The following DHRS9 variants were observed in gnomAD, a reference collection of about 807,000 sequenced individuals.
DHRS9 encodes dehydrogenase/reductase SDR family member 9.
Under a neutral mutation model 26.6 loss-of-function variants are expected in DHRS9, and 18 were observed. The observed-to-expected ratio is 0.68, with a 90% CI of 0.47 to 1.00. DHRS9 has a LOEUF of 1.00. Among genes scored for constraint, DHRS9 ranks in the 50% least tolerant of loss-of-function variants. DHRS9 has a pLI of 0.00. For missense variants in DHRS9, 425 were observed against 378.7 expected (o/e 1.12, Z -1.01); for synonymous variants, 134 against 141.1 (o/e 0.95, Z 0.36).
At chr2:169,082,968 A>T (rs757053378) in intron 2 of DHRS9, among the ~76,000 whole-genome samples, 1 of 152,174 alleles carries the variant, frequency 6.6e-6, no homozygotes, top group Non-Finnish European at 1.5e-5. Context: ...CCAACATGGC[A>T]CATGTATACA....
chr2:169,075,536 A>C (rs555265805), intron 1 of DHRS9, among the ~76,000 whole-genome samples: 3 of 152,274 alleles, frequency 2.0e-5, no homozygotes, highest in African/African-American at 7.2e-5. Flanking sequence ...ATGCAATACT[A>C]TTTATCAAAT....
chr2:169,081,224 C>A, intron 1 of DHRS9: 1 of 972,192 alleles, frequency 1.0e-6, no homozygotes, highest in Non-Finnish European at 1.3e-6. Flanking sequence ...CATCACTCCA[C>A]ATAGCTCCAG....
chr2:169,067,449 G>A (rs1184041450), upstream of DHRS9, among the ~76,000 whole-genome samples: 1 of 152,116 alleles, frequency 6.6e-6, no homozygotes, highest in East Asian at 1.9e-4. Context: ...TAGAAGTATG[G>A]GAGGCATACA....
chr2:169,069,522 C>A, upstream of DHRS9: 11 of 985,346 alleles, frequency 1.1e-5, no homozygotes, highest in Non-Finnish European at 1.3e-5. Flanking sequence ...GAGTGACTCA[C>A]AGAGCAAGGA....
rs183097711 is a variant in DHRS9 at position 169,085,232 on chromosome 2, C to T, written c.572+1645C>T. ...TACCAGTACCATGCTGTTTTGTTTA[C>T]TATAGCTTTATAGAAAATTTGAAGT... is the stretch of plus-strand genomic sequence containing the variant. On this transcript the variant is annotated intron_variant, in intron 3 of 4. Coordinates refer to ENST00000674881, the MANE Select transcript of DHRS9 (RefSeq NM_001376924.1). Among the ~76,000 whole-genome samples the T allele has an allele frequency of 4.6e-5, 7 of 152,200 alleles. No homozygotes were observed. The East Asian group carries it at 1.3e-3, about 29-fold the overall frequency.
chr2:169,076,269 G>T (rs1211442902), intron 1 of DHRS9, among the ~76,000 whole-genome samples: 1 of 152,074 alleles, frequency 6.6e-6, no homozygotes, highest in Non-Finnish European at 1.5e-5. Flanking sequence ...TTCGCCAGTG[G>T]GAGCCCCTTC....
rs2287609 is a variant in DHRS9, at chr2:169,072,753, A to C, written c.-60+3036A>C. The C allele has an allele frequency of 0.011, 7,666 of 667,630 alleles. 336 individuals are homozygous for C. In the East Asian group the frequency reaches 0.16, roughly 14 times the overall value. 41.4% of individuals were successfully genotyped at this position (667,630 alleles called of 1,614,324 possible). On this transcript the variant is annotated intron_variant, in intron 1 of 4. Coordinates refer to ENST00000674881, the MANE Select transcript of DHRS9 (RefSeq NM_001376924.1). ...TGAATCTTTGTGATATGGTAGAGAA[A>C]GTTTGATAAAGTGTTCTTGTGCCTG...
At chr2:169,091,346 C>T (rs1009398783) in intron 3 of DHRS9, among the ~76,000 whole-genome samples, 4 of 152,174 alleles carry the variant, frequency 2.6e-5, no homozygotes, top group East Asian at 1.9e-4. Context: ...CAGGGATTAT[C>T]GTATTGTGTC....
At chr2:169,087,254 G>GCTACTACCACCTCAGGCCATAT (rs1477312152) in intron 3 of DHRS9, among the ~76,000 whole-genome samples, 3 of 152,028 alleles carry the variant, frequency 2.0e-5, no homozygotes, top group Non-Finnish European at 4.4e-5. Flanking sequence ...TCTCACCATA[G>GCTACTACCACCTCAGGCCATAT]CTACTACCAC....
In DHRS9 at chr2:169,091,836, G is replaced by T. The variant is rs765653306; in HGVS notation, c.619G>T (p.Gly207Ter). ...FGVHVSCIEP[G>*]LFKTNLADPV... ...TGTGCACGTCTCATGCATTGAACCAGGATTGTTCAAAACAAACTTGGCAGA... is the reference window on the plus strand; with the variant it reads ...TGTGCACGTCTCATGCATTGAACCATGATTGTTCAAAACAAACTTGGCAGA... Residue 207 changes from glycine (G) to a stop codon, truncating the protein, a stop_gained, in exon 4 of 5, where the codon GGA (glycine) becomes TGA (stop). Coordinates refer to ENST00000674881, the MANE Select transcript of DHRS9 (RefSeq NM_001376924.1). LOFTEE classifies it high-confidence loss of function. 2 of 1,614,008 alleles carry T rather than the reference G, an allele frequency of 1.2e-6. No individual in the cohort carries two copies. The highest frequency in any genetic ancestry group is 8.5e-7 in the Non-Finnish European group (1 of 1,179,956).
chr2:169,071,866 C>T (rs1159706214), intron 1 of DHRS9, among the ~76,000 whole-genome samples: 1 of 151,962 alleles, frequency 6.6e-6, no homozygotes, highest in Non-Finnish European at 1.5e-5. Context: ...TCCCTTGGTG[C>T]CATTAAAAAA....
chr2:169,072,711 C>T (rs1341770777), intron 1 of DHRS9: 1 of 948,194 alleles, frequency 1.1e-6, no homozygotes, highest in Admixed American at 6.2e-5. Context: ...AACTAGTTCT[C>T]CTTTCTTGGT....
At chr2:169,091,535 G>A (rs928870364) in intron 3 of DHRS9, among the ~76,000 whole-genome samples, 3 of 152,176 alleles carry the variant, frequency 2.0e-5, no homozygotes, top group South Asian at 4.1e-4. Flanking sequence ...AACACTCTAG[G>A]AAGAACAACA....
At chr2:169,070,375 G>A (rs1054584752) in intron 1 of DHRS9, 18 of 985,136 alleles carry the variant, frequency 1.8e-5, no homozygotes, top group Admixed American at 6.2e-5. Flanking sequence ...GGCTCCTTTC[G>A]CAATGACTTG....
intron 4 of DHRS9, among the ~76,000 whole-genome samples, chr2:169,094,168 T>A (rs939859925): frequency 6.6e-6 from 1 of 152,216 alleles, no homozygotes; most frequent in Non-Finnish European, 1.5e-5. Context: ...TTAATTTGCA[T>A]TTCCCTGATG....
rs1309893576 is a variant in DHRS9 at position 169,081,764 on chromosome 2, G to A, written c.183G>A (p.Leu61=). 1 of 1,614,034 alleles carries A rather than the reference G, an allele frequency of 6.2e-7. No individual in the cohort carries two copies. Among genetic ancestry groups the A allele is most frequent in the Non-Finnish European group, 8.5e-7 (1 of 1,180,018 alleles). Residue 61 remains leucine, a synonymous_variant, in exon 2 of 5, where the codon CTG becomes CTA. Coordinates refer to ENST00000674881, the MANE Select transcript of DHRS9 (RefSeq NM_001376924.1). The part of the protein sequence containing the change: ...KKGFHVIAAC[L]TESGSTALKA... ...GATTTCATGTAATCGCTGCCTGTCT[G>A]ACTGAATCAGGATCAACAGCTTTAA...
intron 1 of DHRS9, chr2:169,072,407 A>G (rs1683834724): frequency 6.1e-6 from 1 of 164,080 alleles, no homozygotes. Flanking sequence ...CTGGTCTGGG[A>G]GGAACTATCT....
At chr2:169,088,361 C>A (rs905291902) in intron 3 of DHRS9, among the ~76,000 whole-genome samples, 1 of 152,204 alleles carries the variant, frequency 6.6e-6, no homozygotes, top group African/African-American at 2.4e-5. Flanking sequence ...AGAGTTGCTG[C>A]TGGTCTATGG....
In DHRS9 at chr2:169,083,452, T is replaced by C. The variant is rs1226359610; in HGVS notation, c.437T>C (p.Leu146Pro). ...CTGTTTGGACTCATCAGTGTGACAC[T>C]AAATATGCTTCCTTTGGTCAAGAAA... ...VNLFGLISVTLNMLPLVKKAQ... is the reference protein window; with the variant it reads ...VNLFGLISVTPNMLPLVKKAQ... Residue 146 changes from leucine (L) to proline (P), a missense_variant, in exon 3 of 5, where the codon CTA (leucine) becomes CCA (proline). Coordinates refer to ENST00000674881, the MANE Select transcript of DHRS9 (RefSeq NM_001376924.1). 6.2e-7 allele frequency: 1 copy of C among 1,614,008 alleles called. No individual in the cohort carries two copies. The highest frequency in any genetic ancestry group is 1.3e-5 in the African/African-American group (1 of 74,916).
Sources: gnomAD v4.1 joint callset for allele counts (sites outside exome capture counted in the v4.1 genomes callset) on GRCh38, gnomAD v4.1.1 for gene constraint, MANE v1.5 for transcripts, NCBI Gene and HGNC (gene_info 2026-07-23, HGNC 2026-07-21) for gene names.